The following POFUT3 variants were observed in gnomAD, a reference collection of about 807,000 sequenced individuals.
The protein encoded by POFUT3 is GDP-fucose protein O-fucosyltransferase 3.
At chr8:33,453,451 A>T in the POFUT3 span, 1 of 1,613,800 alleles carries the variant, frequency 6.2e-7, no homozygotes, top group Non-Finnish European at 8.5e-7. Context: ...TTGTATGTCC[A>T]TCTTGCAAAC....
chr8:33,319,235 T>A, the POFUT3 span, among the ~76,000 whole-genome samples: 1 of 92,726 alleles, frequency 1.1e-5, no homozygotes, highest in African/African-American at 4.5e-5. Flanking sequence ...ATATTTTACA[T>A]AATATATAAA....
chr8:33,446,337 G>A, the POFUT3 span, among the ~76,000 whole-genome samples: 1 of 151,702 alleles, frequency 6.6e-6, no homozygotes, highest in African/African-American at 2.4e-5. Flanking sequence ...CACACCTGTA[G>A]TCCCAGCTAC....
the POFUT3 span, among the ~76,000 whole-genome samples, chr8:33,449,881 G>A: frequency 0.011 from 1,694 of 150,520 alleles, 35 homozygotes; most frequent in African/African-American, 0.04. Flanking sequence ...ATCCTTCAAG[G>A]CCCACTTCAA....
At chr8:33,415,558 C>A in the POFUT3 span, among the ~76,000 whole-genome samples, 3 of 152,148 alleles carry the variant, frequency 2.0e-5, no homozygotes, top group Admixed American at 6.5e-5. Flanking sequence ...TACATGTAGC[C>A]TGTGATCAAT....
chr8:33,432,671 C>T, the POFUT3 span, among the ~76,000 whole-genome samples: 2 of 152,084 alleles, frequency 1.3e-5, no homozygotes, highest in Non-Finnish European at 2.9e-5. Context: ...ACCTGCTATA[C>T]AGAAAGCCCA....
chr8:33,467,089 G>T, the POFUT3 span, among the ~76,000 whole-genome samples: 136 of 151,514 alleles, frequency 9.0e-4, no homozygotes, highest in African/African-American at 3.2e-3. Flanking sequence ...CTGGGCTACA[G>T]AGCGAGACTC....
the POFUT3 span, among the ~76,000 whole-genome samples, chr8:33,463,312 C>T: frequency 2.6e-5 from 4 of 152,018 alleles, no homozygotes; most frequent in East Asian, 5.8e-4. Context: ...CAAGACCAGC[C>T]TAGCCAAGAT....
chr8:33,401,196 G>A, the POFUT3 span, among the ~76,000 whole-genome samples: 4 of 152,140 alleles, frequency 2.6e-5, no homozygotes, highest in Admixed American at 6.6e-5. Flanking sequence ...TTGTCCAGGC[G>A]GCTGGTCTCA....
At chr8:33,435,845 CT>C in the POFUT3 span, among the ~76,000 whole-genome samples, 3 of 151,484 alleles carry the variant, frequency 2.0e-5, no homozygotes, top group Non-Finnish European at 2.9e-5. Flanking sequence ...TTTTTTTCAA[CT>C]TTTTTTTAAA....
chr8:33,452,037 C>G, the POFUT3 span: 1 of 151,808 alleles, frequency 6.6e-6, no homozygotes, highest in East Asian at 1.9e-4. Flanking sequence ...GGGACACAGC[C>G]AAACCATATC....
At chr8:33,448,999 T>G in the POFUT3 span, among the ~76,000 whole-genome samples, 1 of 152,146 alleles carries the variant, frequency 6.6e-6, no homozygotes, top group Admixed American at 6.6e-5. Context: ...AGCAGTGCGC[T>G]ATATACAGTG....
chr8:33,372,435 G>C, the POFUT3 span: 1 of 1,422,482 alleles, frequency 7.0e-7, no homozygotes, highest in Non-Finnish European at 9.2e-7. Context: ...TTCCTTGAAA[G>C]GGCTCATTAT....
chr8:33,457,525 C>T, the POFUT3 span, among the ~76,000 whole-genome samples: 2 of 147,578 alleles, frequency 1.4e-5, no homozygotes, highest in Non-Finnish European at 3.0e-5. Flanking sequence ...TATGAAAATT[C>T]TTTTTTTTTT....
At chr8:33,347,616 TAGGC>T in the POFUT3 span, among the ~76,000 whole-genome samples, 1 of 152,240 alleles carries the variant, frequency 6.6e-6, no homozygotes, top group Non-Finnish European at 1.5e-5. Flanking sequence ...AATAGAAGTA[TAGGC>T]AGAATTCAAA....
At chr8:33,325,951 C>T in the POFUT3 span, among the ~76,000 whole-genome samples, 554 of 152,268 alleles carry the variant, frequency 3.6e-3, 3 homozygotes, top group Non-Finnish European at 6.4e-3. Context: ...AAGCAATGCA[C>T]GGTTTGGTGC....
the POFUT3 span, among the ~76,000 whole-genome samples, chr8:33,432,049 C>A: frequency 1.3e-5 from 2 of 152,118 alleles, no homozygotes; most frequent in African/African-American, 4.8e-5. Flanking sequence ...CTGAAGTGGG[C>A]AGATTTCTTG....
the POFUT3 span, among the ~76,000 whole-genome samples, chr8:33,430,114 G>A: frequency 2.6e-5 from 4 of 151,744 alleles, no homozygotes; most frequent in Non-Finnish European, 4.4e-5. Flanking sequence ...ATTTTACACC[G>A]AGGCTATGAC....
chr8:33,437,558 C>T, the POFUT3 span, among the ~76,000 whole-genome samples: 2 of 152,272 alleles, frequency 1.3e-5, no homozygotes, highest in East Asian at 1.9e-4. Context: ...CACCTGTAAT[C>T]CCAGCACTGT....
the POFUT3 span, among the ~76,000 whole-genome samples, chr8:33,403,408 A>G: frequency 6.6e-6 from 1 of 152,074 alleles, no homozygotes; most frequent in Non-Finnish European, 1.5e-5. Flanking sequence ...GTCACTACTG[A>G]TATGTCTTGA....
Sources: gnomAD v4.1 joint callset for allele counts (sites outside exome capture counted in the v4.1 genomes callset) on GRCh38, gnomAD v4.1.1 for gene constraint, MANE v1.5 for transcripts, NCBI Gene and HGNC (gene_info 2026-07-23, HGNC 2026-07-21) for gene names.